Variants in SLIT3 observed in about 807,000 individuals in gnomAD.
SLIT3 encodes the protein slit guidance ligand 3.
Under a neutral mutation model 184.0 loss-of-function variants are expected in SLIT3, and 68 were observed. The ratio of observed to expected loss-of-function variants is 0.37; its 90% CI spans 0.30 to 0.45. The LOEUF is 0.45. SLIT3 is among the 20% of genes least tolerant of loss of function. The pLI, the probability that SLIT3 is intolerant of heterozygous loss-of-function variation, is 1.00. For synonymous variants in SLIT3, 831 were observed against 828.6 expected (o/e 1.00, Z -0.05); for missense variants, 1,707 against 2,026.0 (o/e 0.84, Z 3.02).
chr5:168,915,479 C>A (rs1375700729), intron 4 of SLIT3, among the ~76,000 whole-genome samples: 1 of 152,072 alleles, frequency 6.6e-6, no homozygotes, highest in Non-Finnish European at 1.5e-5. Context: ...ATTTACCAAT[C>A]CCTCTATTGT....
At chr5:168,981,722 C>T (rs1172334218) in intron 4 of SLIT3, among the ~76,000 whole-genome samples, 1 of 152,214 alleles carries the variant, frequency 6.6e-6, no homozygotes, top group Non-Finnish European at 1.5e-5. Flanking sequence ...TTCTAAAATA[C>T]AGCATCTGCT....
chr5:168,845,046 C>T (rs913304636), intron 5 of SLIT3, among the ~76,000 whole-genome samples: 9 of 152,042 alleles, frequency 5.9e-5, no homozygotes, highest in East Asian at 1.9e-4. Flanking sequence ...CTCTGCCCTC[C>T]GCGACCTCCC....
At chr5:169,283,670 CAG>C (rs1343481210) in intron 1 of SLIT3, among the ~76,000 whole-genome samples, 1 of 152,180 alleles carries the variant, frequency 6.6e-6, no homozygotes, top group African/African-American at 2.4e-5. Flanking sequence ...GACAATTTCA[CAG>C]CCACATGATG....
intron 4 of SLIT3, among the ~76,000 whole-genome samples, chr5:168,991,682 G>A (rs1173920075): frequency 6.6e-6 from 1 of 152,242 alleles, no homozygotes; most frequent in Non-Finnish European, 1.5e-5. Context: ...AGGATCCCCA[G>A]GAAAATTCTT....
At chr5:168,974,976 G>T (rs1192256214) in intron 4 of SLIT3, among the ~76,000 whole-genome samples, 2 of 152,138 alleles carry the variant, frequency 1.3e-5, no homozygotes, top group African/African-American at 4.8e-5. Flanking sequence ...TCAGGGGCTG[G>T]TCTATCACCA....
intron 4 of SLIT3, among the ~76,000 whole-genome samples, chr5:169,143,361 T>A (rs1388743959): frequency 6.6e-6 from 1 of 152,226 alleles, no homozygotes; most frequent in Non-Finnish European, 1.5e-5. Context: ...AAACTGATTC[T>A]TAAAGAGGTT....
intron 5 of SLIT3, among the ~76,000 whole-genome samples, chr5:168,849,153 G>T (rs1025940597): frequency 3.3e-5 from 5 of 152,196 alleles, no homozygotes; most frequent in African/African-American, 1.2e-4. Flanking sequence ...TAGGCTTTGG[G>T]TATCTGGAAG....
intron 9 of SLIT3, among the ~76,000 whole-genome samples, chr5:168,796,336 G>A (rs774972898): frequency 6.6e-6 from 1 of 152,242 alleles, no homozygotes; most frequent in South Asian, 2.1e-4. Flanking sequence ...TGGGGAATGA[G>A]TGAGCATTTC....
chr5:168,707,839 G>C, intron 26 of SLIT3, 137 bp downstream of exon 26: 1 of 1,013,072 alleles, frequency 9.9e-7, no homozygotes, highest in Non-Finnish European at 1.5e-6. Context: ...GCTTTGGAGT[G>C]GTGACCTGTG....
chr5:169,279,052 T>G (rs1273348533), intron 1 of SLIT3, among the ~76,000 whole-genome samples: 1 of 152,218 alleles, frequency 6.6e-6, no homozygotes, highest in East Asian at 1.9e-4. Context: ...TTGGCAGCAC[T>G]GTAATTCTTA....
intron 25 of SLIT3, 67 bp from the exon 26 acceptor site, chr5:168,708,167 CT>C (rs1456651843): frequency 6.2e-7 from 1 of 1,610,174 alleles, no homozygotes; most frequent in Admixed American, 1.7e-5. Context: ...CTCCCTTCCC[CT>C]CTGCTCTGGG....
At chr5:169,259,409 G>A (rs928859807) in intron 1 of SLIT3, among the ~76,000 whole-genome samples, 1 of 152,190 alleles carries the variant, frequency 6.6e-6, no homozygotes, top group Non-Finnish European at 1.5e-5. Flanking sequence ...TTCACCCACG[G>A]GCTACAACAG....
chr5:169,010,628 G>A (rs193227250), intron 4 of SLIT3, among the ~76,000 whole-genome samples: 167 of 152,306 alleles, frequency 1.1e-3, no homozygotes, highest in African/African-American at 3.8e-3. Flanking sequence ...TTGGTCAGGT[G>A]TGGTGGCTCA....
chr5:168,725,156 A>G (rs1168344260), intron 20 of SLIT3, among the ~76,000 whole-genome samples: 2 of 152,250 alleles, frequency 1.3e-5, no homozygotes, highest in East Asian at 3.9e-4. Context: ...AGGGGTTCAG[A>G]GTGAGGTTGC....
At chr5:168,914,525 T>A (rs1761371327) in intron 4 of SLIT3, among the ~76,000 whole-genome samples, 1 of 152,202 alleles carries the variant, frequency 6.6e-6, no homozygotes, top group Non-Finnish European at 1.5e-5. Context: ...TCTGGGAACA[T>A]CTCTTGGTAA....
At chr5:169,215,555 AC>A (rs1764408310) in intron 3 of SLIT3, among the ~76,000 whole-genome samples, 1 of 152,236 alleles carries the variant, frequency 6.6e-6, no homozygotes, top group Admixed American at 6.5e-5. Flanking sequence ...TGCAAAAGCA[AC>A]CATAAACAAT....
rs1757367102 is a variant in SLIT3, at chr5:168,817,370, G to A, written c.723C>T (p.Leu241=). Residue 241 remains leucine (L), a synonymous_variant, in exon 8 of 36, where the codon CTC becomes CTT. Coordinates refer to ENST00000519560, the MANE Select transcript of SLIT3 (RefSeq NM_003062.4). ...CCCTCAAATGCACAGGAGCCATGCAGAGTGTGAACTGGCCAACTGTCCGTC... is the reference window on the plus strand; with the variant it reads ...CCCTCAAATGCACAGGAGCCATGCAAAGTGTGAACTGGCCAACTGTCCGTC... The part of the protein sequence containing the change: ...RQRRTVGQFT[L]CMAPVHLRGF... The A allele has an allele frequency of 6.2e-7, 1 of 1,614,100 alleles. No individual in the cohort carries two copies. The highest frequency in any genetic ancestry group is 1.7e-5 in the Admixed American group (1 of 60,014).
At chr5:169,020,132 TA>T (rs56940726) in intron 4 of SLIT3, among the ~76,000 whole-genome samples, 22,228 of 152,208 alleles carry the variant, frequency 0.15, 2,039 homozygotes, top group East Asian at 0.51. Context: ...AGAGAAACAG[TA>T]TGACCTACAA....
rs769927171 is a variant in SLIT3 at position 168,666,723 on chromosome 5, T to C, written c.4337-34A>G. 1.9e-6 allele frequency: 3 copies of C among 1,613,638 alleles called. No individual in the cohort carries two copies. In the African/African-American group the frequency reaches 4.0e-5, roughly 22 times the overall value. On this transcript the variant is annotated intron_variant, in intron 35 of 35. Transcript: ENST00000519560. ...GGCATAGAAGTCAGGGCATTGGTGG[T>C]CTAGGTGGCCAGCAGGACCATGAGC...
Sources: allele counts gnomAD v4.1 joint callset (sites outside exome capture counted in the v4.1 genomes callset), GRCh38; gene constraint gnomAD v4.1.1; transcripts MANE v1.5; gene names NCBI Gene and HGNC (gene_info 2026-07-23, HGNC 2026-07-21).